ATP1A1: variants seen among roughly 807,000 people sequenced by gnomAD.
ATP1A1 encodes the protein sodium/potassium-transporting ATPase subunit alpha-1.
A neutral mutation model predicts 114.8 loss-of-function variants in ATP1A1; 14 were observed. That is an observed-to-expected ratio of 0.12 (90% CI 0.08 to 0.19). The LOEUF (loss-of-function observed/expected upper bound fraction) is 0.19. Among genes scored for constraint, ATP1A1 ranks in the 10% least tolerant of loss-of-function variants. ATP1A1 has a pLI of 1.00. For missense variants in ATP1A1, 524 were observed against 1,290.7 expected (o/e 0.41, Z 9.10); for synonymous variants, 471 against 466.3 (o/e 1.01, Z -0.13).
At chr1:116,390,618 C>T (rs1210832075) in intron 9 of ATP1A1, among the ~76,000 whole-genome samples, 164 bp from the exon 10 acceptor site, 2 of 148,896 alleles carry the variant, frequency 1.3e-5, no homozygotes, top group African/African-American at 5.1e-5. Flanking sequence ...CTTTAAATTG[C>T]CCTACAAACG....
Position 116,404,667 on chromosome 1 carries a change from G to C in ATP1A1, c.*223G>C. The C allele has an allele frequency of 7.7e-7, 1 of 1,294,082 alleles. No homozygotes were observed. The highest frequency in any genetic ancestry group is 9.7e-7 in the Non-Finnish European group (1 of 1,025,894). The allele number at this position is 1,294,082 out of a possible 1,614,324, so 80.2% of individuals were successfully genotyped here. ...CATCTGTGGAAATGACAGCGGGGAA[G>C]GTTTTTATGTGCCTTTTTGTTTTTG... is the stretch of plus-strand genomic sequence containing the variant. On this transcript the variant is annotated 3_prime_UTR_variant, in exon 23 of 23. Coordinates refer to ENST00000295598, the MANE Select transcript of ATP1A1 (RefSeq NM_000701.8). This position sits in a 1 kb window ranked among gnomAD's most constrained non-coding sequence, Gnocchi z 4.8.
chr1:116,387,171 C>T lies in ATP1A1; in HGVS notation c.184-117C>T. 3 of 1,226,990 alleles carry T rather than the reference C, an allele frequency of 2.4e-6. No homozygotes were observed. The highest frequency in any genetic ancestry group is 2.5e-5 in the East Asian group (1 of 39,308). The allele number at this position is 1,226,990 out of a possible 1,614,324, so 76.0% of individuals were successfully genotyped here. On this transcript the variant is annotated intron_variant, in intron 3 of 22. Coordinates refer to ENST00000295598, the MANE Select transcript of ATP1A1 (RefSeq NM_000701.8). This position sits in a 1 kb window ranked among gnomAD's most constrained non-coding sequence, Gnocchi z 6.7. ...GCTAGGTTTTACCTTGGCTCTCTAG[C>T]TTGGGACATTTTGTTTCTTCCTTAA... is the stretch of plus-strand genomic sequence containing the variant.
chr1:116,392,189 C>T (rs938352366), intron 10 of ATP1A1: 1 of 152,204 alleles, frequency 6.6e-6, no homozygotes, highest in African/African-American at 2.4e-5. Flanking sequence ...ATAAGTGTGT[C>T]ATCATGTATC....
Position 116,384,191 on chromosome 1 carries a change from C to T in ATP1A1, c.123+67C>T, listed in dbSNP as rs571755340. 1.5e-6 allele frequency: 2 copies of T among 1,315,416 alleles called. No individual in the cohort carries two copies. Among genetic ancestry groups the T allele is most frequent in the Non-Finnish European group, 2.2e-6 (2 of 929,470 alleles). 81.5% of individuals were successfully genotyped at this position (1,315,416 alleles called of 1,614,324 possible). ...ATCCATGATTTTTAATCCCCCAGGC[C>T]TCACTGTATTCTTCAAAGAACTGCT... On this transcript the variant is annotated intron_variant, in intron 2 of 22. Coordinates refer to ENST00000295598, the MANE Select transcript of ATP1A1 (RefSeq NM_000701.8). This position sits in a 1 kb window ranked among gnomAD's most constrained non-coding sequence, Gnocchi z 5.1.
intron 1 of ATP1A1, among the ~76,000 whole-genome samples, chr1:116,378,549 A>G (rs2101031602): frequency 6.6e-6 from 1 of 151,694 alleles, no homozygotes; most frequent in South Asian, 2.1e-4. Flanking sequence ...TGCTCTTTCT[A>G]GTCTGTTACC....
intron 1 of ATP1A1, among the ~76,000 whole-genome samples, chr1:116,379,681 A>G (rs548159927): frequency 6.2e-4 from 94 of 152,358 alleles, no homozygotes; most frequent in Non-Finnish European, 2.2e-4. Flanking sequence ...AAAGCGAAAA[A>G]TGGCAGTAAT....
At chr1:116,373,976 G>A (rs1651177122) in intron 1 of ATP1A1, 2 of 1,379,870 alleles carry the variant, frequency 1.4e-6, no homozygotes, top group South Asian at 3.3e-5. Flanking sequence ...TCCGTGCCCT[G>A]AGGAAAGGCG....
rs1006121081 is a variant in ATP1A1, at chr1:116,404,406, C to T, written c.3044-10C>T. The T allele has an allele frequency of 6.2e-7, 1 of 1,613,730 alleles. No homozygotes were observed. The highest frequency in any genetic ancestry group is 1.3e-5 in the African/African-American group (1 of 74,986). On this transcript the variant is annotated splice_polypyrimidine_tract_variant and intron_variant, in intron 22 of 22. Coordinates refer to ENST00000295598, the MANE Select transcript of ATP1A1 (RefSeq NM_000701.8). The surrounding 1 kb of genome is among the most constrained non-coding windows in gnomAD (Gnocchi z 4.8). ...GTAGTGTGTCTTGTCTGTCTCTTTG[C>T]CACCCACAGGCTGGGTGGAGAAGGA...
Position 116,387,599 on chromosome 1 carries a change from C to G in ATP1A1, c.387+108C>G. 8.2e-7 allele frequency: 1 copy of G among 1,214,118 alleles called. No individual in the cohort carries two copies. The highest frequency in any genetic ancestry group is 1.2e-6 in the Non-Finnish European group (1 of 864,176). The allele number at this position is 1,214,118 out of a possible 1,614,324, so 75.2% of individuals were successfully genotyped here. ...CCACTCATTACTTAATGGTTATGAACTCATTACTTAATGGTTATGAACAGC... is the reference window on the plus strand; with the variant it reads ...CCACTCATTACTTAATGGTTATGAAGTCATTACTTAATGGTTATGAACAGC... On this transcript the variant is annotated intron_variant, in intron 4 of 22. Coordinates refer to ENST00000295598, the MANE Select transcript of ATP1A1 (RefSeq NM_000701.8). The surrounding 1 kb of genome is among the most constrained non-coding windows in gnomAD (Gnocchi z 6.7).
intron 21 of ATP1A1, among the ~76,000 whole-genome samples, chr1:116,403,327 C>T (rs1653678425): frequency 6.6e-6 from 1 of 152,144 alleles, no homozygotes; most frequent in Non-Finnish European, 1.5e-5. Flanking sequence ...TGTGGCTCAG[C>T]CTCCAGGCCC....
chr1:116,392,905 C>T lies in ATP1A1; in HGVS notation c.1384C>T (p.Leu462=). ...GTCAGCACTCTTAAAGTGCATAGAGCTGTGCTGTGGTTCCGTGAAGGAGAT... is the reference window on the plus strand; with the variant it reads ...GTCAGCACTCTTAAAGTGCATAGAGTTGTGCTGTGGTTCCGTGAAGGAGAT... ...SESALLKCIE[L]CCGSVKEMRE... Residue 462 remains leucine, a synonymous_variant, in exon 11 of 23, where the codon CTG becomes TTG. Coordinates refer to ENST00000295598, the MANE Select transcript of ATP1A1 (RefSeq NM_000701.8). The T allele has an allele frequency of 1.2e-6, 2 of 1,614,182 alleles. No homozygotes were observed. The highest frequency in any genetic ancestry group is 1.7e-6 in the Non-Finnish European group (2 of 1,180,046).
In ATP1A1 at chr1:116,401,026, C is replaced by G. The variant is rs766724428; in HGVS notation, c.2718+20C>G. On this transcript the variant is annotated intron_variant, in intron 19 of 22. Coordinates refer to ENST00000295598, the MANE Select transcript of ATP1A1 (RefSeq NM_000701.8). This position sits in a 1 kb window ranked among gnomAD's most constrained non-coding sequence, Gnocchi z 4.7. Reference sequence around the variant, plus strand: ...CAGTGGGTGAGTGGGCACCTCTGACCTGACCAGTGTCAGAGCTCCTCAAGC... The same window carrying G: ...CAGTGGGTGAGTGGGCACCTCTGACGTGACCAGTGTCAGAGCTCCTCAAGC... 2.1e-5 allele frequency: 34 copies of G among 1,613,876 alleles called. No homozygotes were observed. Among genetic ancestry groups the G allele is most frequent in the Non-Finnish European group, 2.5e-6 (3 of 1,179,888 alleles).
rs943541101 is a variant in ATP1A1 at position 116,397,515 on chromosome 1, C to G, written c.1974-373C>G. 1.3e-5 allele frequency among the ~76,000 whole-genome samples: 2 copies of G among 152,074 alleles called. No homozygotes were observed. Among genetic ancestry groups the G allele is most frequent in the African/African-American group, 4.8e-5 (2 of 41,398 alleles). Reference sequence around the variant, plus strand: ...TTGAATTTTTAGACCACCATTTTGGCAAGCTGGTCTCGAACTCCTGACCTC... The same window carrying G: ...TTGAATTTTTAGACCACCATTTTGGGAAGCTGGTCTCGAACTCCTGACCTC... On this transcript the variant is annotated intron_variant, in intron 14 of 22. Transcript: ENST00000295598. The surrounding 1 kb of genome is among the most constrained non-coding windows in gnomAD (Gnocchi z 4.2).
chr1:116,383,768 G>A (rs995599548), intron 1 of ATP1A1, among the ~76,000 whole-genome samples: 2 of 152,150 alleles, frequency 1.3e-5, no homozygotes, highest in African/African-American at 4.8e-5. Context: ...GAAGCCTACC[G>A]GTAGCTTCAG....
intron 13 of ATP1A1, 33 bp from the exon 14 acceptor site, chr1:116,396,565 G>A (rs1403898951): frequency 1.9e-6 from 3 of 1,610,652 alleles, no homozygotes; most frequent in Non-Finnish European, 2.5e-6. Flanking sequence ...TTACTTGGCA[G>A]TTGCATTCAA....
At chr1:116,377,897 A>T (rs1651476135) in intron 1 of ATP1A1, among the ~76,000 whole-genome samples, 1 of 152,250 alleles carries the variant, frequency 6.6e-6, no homozygotes, top group Non-Finnish European at 1.5e-5. Context: ...GATAATGTGC[A>T]GTAGAGAGAA....
Position 116,385,103 on chromosome 1 carries a change from T to TG in ATP1A1, c.183+262dup. On this transcript the variant is annotated intron_variant, in intron 3 of 22. Transcript: ENST00000295598. This position sits in a 1 kb window ranked among gnomAD's most constrained non-coding sequence, Gnocchi z 4.3. ...GCCAGTAAGTGGGAACACCAGGACT[T>TG]GCAGTTGGCTTCAAAGCCATGCTTA... 1 of 419,884 alleles carries TG rather than the reference T, an allele frequency of 2.4e-6. No individual in the cohort carries two copies. The highest frequency in any genetic ancestry group is 4.2e-6 in the Non-Finnish European group (1 of 235,486). The allele number at this position is 419,884 out of a possible 1,614,324, so 26.0% of individuals were successfully genotyped here.
intron 1 of ATP1A1, chr1:116,382,404 C>T (rs1651808320): frequency 6.6e-6 from 1 of 152,162 alleles, no homozygotes; most frequent in South Asian, 2.1e-4. Context: ...CATTTAAACT[C>T]TGGCACCAAG....
chr1:116,390,170 C>T, intron 8 of ATP1A1, 43 bp from the exon 9 acceptor site: 10 of 1,580,372 alleles, frequency 6.3e-6, no homozygotes, highest in Non-Finnish European at 8.7e-6. Flanking sequence ...TATAGAATTC[C>T]AGCCTGGTTG....
Sources: allele counts gnomAD v4.1 joint callset (sites outside exome capture counted in the v4.1 genomes callset), GRCh38; gene constraint gnomAD v4.1.1; non-coding constraint Gnocchi (gnomAD v3.1); transcripts MANE v1.5; gene names NCBI Gene and HGNC (gene_info 2026-07-23, HGNC 2026-07-21).